SKIC2: variants seen among roughly 807,000 people sequenced by gnomAD.
SKIC2 encodes SKI2 subunit of superkiller complex.
the SKIC2 span, chr6:31,967,670 C>A: frequency 6.2e-7 from 1 of 1,603,788 alleles, no homozygotes; most frequent in Non-Finnish European, 8.5e-7. This position sits in a 1 kb window ranked among gnomAD's most constrained non-coding sequence, Gnocchi z 4.9. Flanking sequence ...CCTTTGATGT[C>A]TACTCATCAC....
chr6:31,962,305 T>C, the SKIC2 span: 40 of 1,071,060 alleles, frequency 3.7e-5, no homozygotes, highest in East Asian at 8.5e-4. The surrounding 1 kb of genome is among the most constrained non-coding windows in gnomAD (Gnocchi z 5.0). Flanking sequence ...TGCAGGAGAA[T>C]GTAAGGGCAG....
At chr6:31,962,653 TGTCTGAGGAGG>T in the SKIC2 span, 7 of 1,606,852 alleles carry the variant, frequency 4.4e-6, no homozygotes, top group East Asian at 6.7e-5. This position sits in a 1 kb window ranked among gnomAD's most constrained non-coding sequence, Gnocchi z 5.0. Context: ...GAGAGTGTGC[TGTCTGAGGAGG>T]GGGTGGAGAC....
At chr6:31,962,901 C>A in the SKIC2 span, 4 of 1,319,226 alleles carry the variant, frequency 3.0e-6, no homozygotes, top group South Asian at 1.2e-5. This position sits in a 1 kb window ranked among gnomAD's most constrained non-coding sequence, Gnocchi z 5.0. Context: ...GCTTTCTTTA[C>A]CCCCATATGG....
the SKIC2 span, chr6:31,965,842 G>GTT: frequency 1.2e-6 from 2 of 1,613,070 alleles, no homozygotes; most frequent in Non-Finnish European, 1.7e-6. The surrounding 1 kb of genome is among the most constrained non-coding windows in gnomAD (Gnocchi z 5.6). Flanking sequence ...GTACAGTAGT[G>GTT]TTTGACTCCA....
chr6:31,968,356 A>G, the SKIC2 span: 1 of 1,612,928 alleles, frequency 6.2e-7, no homozygotes, highest in Admixed American at 1.7e-5. The surrounding 1 kb of genome is among the most constrained non-coding windows in gnomAD (Gnocchi z 6.1). Context: ...AGCCGTGACC[A>G]CTGCTGTCCA....
chr6:31,959,586 G>A, the SKIC2 span: 2 of 574,800 alleles, frequency 3.5e-6, no homozygotes, highest in Admixed American at 3.3e-5. Context: ...GAGCAGAAAG[G>A]GCTGGGGATA....
At chr6:31,961,428 A>T in the SKIC2 span, 2 of 1,524,316 alleles carry the variant, frequency 1.3e-6, no homozygotes, top group Non-Finnish European at 1.8e-6. Context: ...GAGCCTTGCC[A>T]CCAGGATGTG....
At chr6:31,967,652 G>T in the SKIC2 span, 1 of 1,575,744 alleles carries the variant, frequency 6.3e-7, no homozygotes, top group East Asian at 2.2e-5. The surrounding 1 kb of genome is among the most constrained non-coding windows in gnomAD (Gnocchi z 4.9). Context: ...GTGGGTATCT[G>T]GTCTCTGCCT....
chr6:31,963,386 T>C, the SKIC2 span: 1 of 1,520,854 alleles, frequency 6.6e-7, no homozygotes, highest in East Asian at 2.3e-5. The surrounding 1 kb of genome is among the most constrained non-coding windows in gnomAD (Gnocchi z 5.3). Flanking sequence ...TTCCCACCCC[T>C]GACCTGCTTC....
At chr6:31,968,209 C>G in the SKIC2 span, 24 of 1,472,352 alleles carry the variant, frequency 1.6e-5, no homozygotes, top group Non-Finnish European at 2.8e-6. This position sits in a 1 kb window ranked among gnomAD's most constrained non-coding sequence, Gnocchi z 6.1. Flanking sequence ...GAGGGGGCTC[C>G]CCCAGCCTAA....
the SKIC2 span, chr6:31,961,718 G>T: frequency 1.3e-6 from 2 of 1,595,952 alleles, no homozygotes; most frequent in African/African-American, 2.7e-5. Flanking sequence ...CCTCTTTCTG[G>T]GTCACACTCC....
the SKIC2 span, chr6:31,962,607 CAG>C: frequency 6.2e-7 from 1 of 1,610,200 alleles, no homozygotes; most frequent in South Asian, 1.1e-5. This position sits in a 1 kb window ranked among gnomAD's most constrained non-coding sequence, Gnocchi z 5.0. Context: ...ACACTCAATA[CAG>C]GGGAGTTTTG....
At chr6:31,960,011 T>C in the SKIC2 span, 1 of 1,612,070 alleles carries the variant, frequency 6.2e-7, no homozygotes, top group East Asian at 2.2e-5. Flanking sequence ...TTGTTTCAGC[T>C]TCCCCATGGC....
chr6:31,964,422 G>C, the SKIC2 span: 41 of 1,049,602 alleles, frequency 3.9e-5, no homozygotes, highest in Non-Finnish European at 5.8e-5. This position sits in a 1 kb window ranked among gnomAD's most constrained non-coding sequence, Gnocchi z 5.0. Flanking sequence ...AGGGGCAGAG[G>C]TTTAGGCAGG....
At chr6:31,968,674 G>A in the SKIC2 span, 752 of 1,605,274 alleles carry the variant, frequency 4.7e-4, 1 homozygote, top group African/African-American at 1.5e-3. This position sits in a 1 kb window ranked among gnomAD's most constrained non-coding sequence, Gnocchi z 6.1. Context: ...GCTGACGGGT[G>A]GCTCTCTGCA....
the SKIC2 span, chr6:31,965,943 C>T: frequency 6.2e-7 from 1 of 1,612,822 alleles, no homozygotes; most frequent in Non-Finnish European, 8.5e-7. This position sits in a 1 kb window ranked among gnomAD's most constrained non-coding sequence, Gnocchi z 5.6. Context: ...GGCCTGGACC[C>T]CACAGGCACC....
At chr6:31,962,964 C>T in the SKIC2 span, 1 of 1,585,186 alleles carries the variant, frequency 6.3e-7, no homozygotes, top group South Asian at 1.1e-5. The surrounding 1 kb of genome is among the most constrained non-coding windows in gnomAD (Gnocchi z 5.0). Context: ...CATGTGACCT[C>T]CCTTCCCTCT....
the SKIC2 span, chr6:31,961,470 G>GGGACATCTTTTGGGA: frequency 1.3e-6 from 2 of 1,534,368 alleles, no homozygotes; most frequent in Non-Finnish European, 1.8e-6. Flanking sequence ...GGGGAAGAAA[G>GGGACATCTTTTGGGA]GGACATCTTT....
chr6:31,963,885 C>A, the SKIC2 span: 1 of 1,584,862 alleles, frequency 6.3e-7, no homozygotes, highest in Non-Finnish European at 8.6e-7. The surrounding 1 kb of genome is among the most constrained non-coding windows in gnomAD (Gnocchi z 5.3). Context: ...TCAACCTCTG[C>A]TCCTTCCCCT....
Sources: allele counts gnomAD v4.1 joint callset, GRCh38; gene constraint gnomAD v4.1.1; non-coding constraint Gnocchi (gnomAD v3.1); transcripts MANE v1.5; gene names NCBI Gene and HGNC (gene_info 2026-07-23, HGNC 2026-07-21).